The following CPAMD8 variants were observed in gnomAD, a reference collection of about 807,000 sequenced individuals.
The protein encoded by CPAMD8 is C3 and PZP like alpha-2-macroglobulin domain containing 8.
A neutral mutation model predicts 224.7 loss-of-function variants in CPAMD8; 146 were observed. The observed-to-expected ratio is 0.65, with a 90% CI of 0.57 to 0.75. CPAMD8 has a LOEUF of 0.75. CPAMD8 is among the 30% of genes least tolerant of loss of function. The pLI, the probability that CPAMD8 is intolerant of heterozygous loss-of-function variation, is 0.00. For synonymous variants in CPAMD8, 966 were observed against 1,044.6 expected (o/e 0.92, Z 1.45); for missense variants, 2,301 against 2,537.5 (o/e 0.91, Z 2.00).
chr19:16,981,453 G>T (rs140839708), intron 13 of CPAMD8, among the ~76,000 whole-genome samples: 2 of 152,316 alleles, frequency 1.3e-5, no homozygotes, highest in Non-Finnish European at 2.9e-5. Context: ...TGAACTCAAT[G>T]AGTTGGGTCC....
At chr19:16,945,109 G>T (rs993516499) in intron 22 of CPAMD8, among the ~76,000 whole-genome samples, 5 of 152,164 alleles carry the variant, frequency 3.3e-5, no homozygotes, top group Non-Finnish European at 2.9e-5. Context: ...GCCAATCCTG[G>T]ATTCATAGCT....
intron 22 of CPAMD8, among the ~76,000 whole-genome samples, chr19:16,944,900 G>A (rs960977905): frequency 2.6e-5 from 4 of 151,980 alleles, no homozygotes; most frequent in African/African-American, 7.3e-5. Context: ...CTGTTGGTGC[G>A]GCACCAAATG....
At chr19:16,941,588 G>A (rs1293813557) in intron 22 of CPAMD8, among the ~76,000 whole-genome samples, 4 of 152,156 alleles carry the variant, frequency 2.6e-5, no homozygotes, top group Non-Finnish European at 4.4e-5. Flanking sequence ...GTTGGAAGAG[G>A]GGCCTGGTGG....
At chr19:16,950,793 G>GAAAAAAAA (rs757775739) in intron 20 of CPAMD8, among the ~76,000 whole-genome samples, 2 of 45,876 alleles carry the variant, frequency 4.4e-5, no homozygotes, top group Non-Finnish European at 4.3e-5. Context: ...ACCCTGTCTC[G>GAAAAAAAA]AAAAAAAAAA....
chr19:16,975,054 A>T (rs970624696), intron 17 of CPAMD8, 43 bp downstream of exon 17: 5 of 1,582,130 alleles, frequency 3.2e-6, no homozygotes, highest in Non-Finnish European at 4.3e-6. Flanking sequence ...AGGCAAGAGG[A>T]ACTTAGAAGG....
intron 17 of CPAMD8, 39 bp from the exon 18 acceptor site, chr19:16,971,072 T>C (rs2055047764): frequency 6.4e-7 from 1 of 1,552,508 alleles, no homozygotes; most frequent in African/African-American, 1.4e-5. Context: ...GGTGGGGAAG[T>C]GGATGCTGAC....
In CPAMD8 at chr19:16,899,569, T is replaced by C. The variant is rs769984287; in HGVS notation, c.4774-20A>G. The C allele has an allele frequency of 2.0e-5, 25 of 1,220,786 alleles. No individual in the cohort carries two copies. In the East Asian group the frequency reaches 5.8e-4, roughly 28 times the overall value. The allele number at this position is 1,220,786 out of a possible 1,614,324, so 75.6% of individuals were successfully genotyped here. A position where few individuals can be genotyped will look rare whatever the true frequency, so the allele number is the denominator to read the frequency against. On this transcript the variant is annotated intron_variant, in intron 36 of 41. Coordinates refer to ENST00000443236, the MANE Select transcript of CPAMD8 (RefSeq NM_015692.5). This position sits in a 1 kb window ranked among gnomAD's most constrained non-coding sequence, Gnocchi z 5.4. ...GAGCAGCTGCAGAGGAAGCCAGAAG[T>C]CAGGGTCCTCAGACTCTCTACTTGC...
chr19:16,904,205 C>A (rs1240920033), intron 32 of CPAMD8, 21 bp downstream of exon 32: 1 of 1,593,270 alleles, frequency 6.3e-7, no homozygotes. Context: ...GAGCCCCTCC[C>A]TCTGGCCCTG....
intron 29 of CPAMD8, among the ~76,000 whole-genome samples, chr19:16,910,329 C>A (rs2052677939): frequency 6.6e-6 from 1 of 150,612 alleles, no homozygotes; most frequent in Non-Finnish European, 1.5e-5. Context: ...GCCATCACAC[C>A]CAGCTAATTT....
Position 16,980,526 on chromosome 19 carries a change from G to A in CPAMD8, c.1556C>T (p.Pro519Leu), listed in dbSNP as rs370893955. 15 of 1,613,752 alleles carry A rather than the reference G, an allele frequency of 9.3e-6. No individual in the cohort carries two copies. Among genetic ancestry groups the A allele is most frequent in the Non-Finnish European group, 1.1e-5 (13 of 1,179,954 alleles). The change falls in exon 14 of 42, where the codon CCG becomes CTG. Residue 519 changes from proline to leucine, a missense_variant. Coordinates refer to ENST00000443236, the MANE Select transcript of CPAMD8 (RefSeq NM_015692.5). ...SKRAAPALEKPIRLTHLSETE... is the reference protein window; with the variant it reads ...SKRAAPALEKLIRLTHLSETE... Reference sequence around the variant, plus strand: ...CTCAGAAAGGTGTGTTAAACGAATCGGTTTCTCCAGGGCAGGGGCCGCCCG... The same window carrying A: ...CTCAGAAAGGTGTGTTAAACGAATCAGTTTCTCCAGGGCAGGGGCCGCCCG...
At chr19:17,009,444 C>A in intron 5 of CPAMD8, 124 bp from the exon 6 acceptor site, 2 of 1,521,594 alleles carry the variant, frequency 1.3e-6, no homozygotes, top group Non-Finnish European at 1.8e-6. Context: ...ACAGTGTCCC[C>A]CTAGATTACA....
Position 16,958,586 on chromosome 19 carries a change from G to A in CPAMD8, c.2214-671C>T, listed in dbSNP as rs141385354. Among the ~76,000 whole-genome samples the A allele has an allele frequency of 4.7e-4, 72 of 152,230 alleles. 1 individual carries two copies. In the Middle Eastern group the frequency reaches 0.014, roughly 29 times the overall value. ...AAATAGTGCTGCAGTGAACATTTGT[G>A]TGCATGGGTCTTTATGGTAGAATGA... is the stretch of plus-strand genomic sequence containing the variant. On this transcript the variant is annotated intron_variant, in intron 18 of 41. Transcript: ENST00000443236.
chr19:16,960,127 C>T (rs2054603341), intron 18 of CPAMD8, among the ~76,000 whole-genome samples: 1 of 151,968 alleles, frequency 6.6e-6, no homozygotes, highest in Non-Finnish European at 1.5e-5. Flanking sequence ...CCTCTGTTTC[C>T]TAAGGAGTGC....
At chr19:16,927,682 T>C (rs946821976) in intron 25 of CPAMD8, among the ~76,000 whole-genome samples, 1 of 152,200 alleles carries the variant, frequency 6.6e-6, no homozygotes. Flanking sequence ...CCCACTGCCC[T>C]CACAGGGTTC....
At chr19:16,985,086 G>T (rs1005974610) in intron 13 of CPAMD8, among the ~76,000 whole-genome samples, 4 of 152,186 alleles carry the variant, frequency 2.6e-5, no homozygotes, top group African/African-American at 4.8e-5. Flanking sequence ...CTTGAGGTCA[G>T]GTAAAATAAT....
intron 3 of CPAMD8, among the ~76,000 whole-genome samples, chr19:17,018,717 TAC>T (rs367984655): frequency 0.29 from 39,469 of 136,502 alleles, 5,869 homozygotes; most frequent in East Asian, 0.45. Context: ...CTACTAAAAA[TAC>T]ACACACACAC....
At chr19:16,896,120 A>AGGTGGGG in intron 41 of CPAMD8, 56 bp downstream of exon 41, 1 of 1,395,014 alleles carries the variant, frequency 7.2e-7, no homozygotes, top group Non-Finnish European at 9.4e-7. Context: ...TAGGGGAGGG[A>AGGTGGGG]GGTGGGGAGA....
intron 11 of CPAMD8, among the ~76,000 whole-genome samples, chr19:16,994,652 G>C (rs1380976848): frequency 6.7e-6 from 1 of 148,710 alleles, no homozygotes; most frequent in East Asian, 2.0e-4. Flanking sequence ...CTGATAGCTG[G>C]GACCACAGGT....
At chr19:16,927,411 G>A (rs1416208212) in intron 25 of CPAMD8, among the ~76,000 whole-genome samples, 1 of 152,068 alleles carries the variant, frequency 6.6e-6, no homozygotes, top group Non-Finnish European at 1.5e-5. Flanking sequence ...GAAACTGTGA[G>A]TCAATTAAAC....
Sources: gnomAD v4.1 joint callset for allele counts (sites outside exome capture counted in the v4.1 genomes callset) on GRCh38, gnomAD v4.1.1 for gene constraint, Gnocchi (gnomAD v3.1) non-coding constraint, MANE v1.5 for transcripts, NCBI Gene and HGNC (gene_info 2026-07-23, HGNC 2026-07-21) for gene names.